Variants in ZC3H3 observed in about 807,000 individuals in gnomAD.
ZC3H3 encodes the protein zinc finger CCCH-type containing 3.
In ZC3H3, 36 loss-of-function variants were observed where a neutral mutation model predicts 77.3. The observed-to-expected ratio is 0.47, with a 90% CI of 0.36 to 0.61. ZC3H3 has a LOEUF of 0.61. Ranked by LOEUF, ZC3H3 falls within the 20% of genes least tolerant of loss-of-function variation. The pLI, the probability that ZC3H3 is intolerant of heterozygous loss-of-function variation, is 0.00. For missense variants in ZC3H3, 1,331 were observed against 1,312.2 expected, an observed-to-expected ratio of 1.01 and a Z score of -0.22; for synonymous variants, 626 against 555.2, an observed-to-expected ratio of 1.13 and a Z score of -1.79.
chr8:143,504,419 G>A (rs577840042), intron 4 of ZC3H3, among the ~76,000 whole-genome samples: 36 of 152,288 alleles, frequency 2.4e-4, no homozygotes, highest in Admixed American at 9.1e-4. Flanking sequence ...GCTTCACTGC[G>A]GCAGCCTGTG....
At chr8:143,472,693 C>G (rs1820604208) in intron 5 of ZC3H3, among the ~76,000 whole-genome samples, 1 of 152,232 alleles carries the variant, frequency 6.6e-6, no homozygotes, top group South Asian at 2.1e-4. Flanking sequence ...CCCAGCCCAA[C>G]AAACGTGGGC....
chr8:143,498,190 C>T (rs1563861662), intron 4 of ZC3H3, among the ~76,000 whole-genome samples: 2 of 152,186 alleles, frequency 1.3e-5, no homozygotes, highest in Non-Finnish European at 2.9e-5. Context: ...GTCAAGAAGC[C>T]AGACCTCAGC....
intron 3 of ZC3H3, 93 bp from the exon 4 acceptor site, chr8:143,507,992 G>T: frequency 1.5e-6 from 2 of 1,367,542 alleles, no homozygotes; most frequent in Admixed American, 5.1e-5. Context: ...TCTGCCCACC[G>T]CCTCCGCCGG....
Position 143,494,257 on chromosome 8 carries a change from C to T in ZC3H3, c.1715+13489G>A, listed in dbSNP as rs1049989151. ...CAGAGACTTCCTGCCACCCTCAGGC[C>T]GAACTTCCTGCTTTGATTTCTTTAC... On this transcript the variant is annotated intron_variant, in intron 4 of 11. Transcript: ENST00000262577. The surrounding 1 kb of genome is among the most constrained non-coding windows in gnomAD (Gnocchi z 5.3). 1.3e-5 allele frequency among the ~76,000 whole-genome samples: 2 copies of T among 152,222 alleles called. No homozygotes were observed. The highest frequency in any genetic ancestry group is 6.5e-5 in the Admixed American group (1 of 15,282).
intron 5 of ZC3H3, among the ~76,000 whole-genome samples, chr8:143,472,650 G>C (rs1305771117): frequency 6.6e-6 from 1 of 152,200 alleles, no homozygotes; most frequent in Non-Finnish European, 1.5e-5. Flanking sequence ...TGGGAGAGCT[G>C]GGATGGCAGG....
rs1180207908 is a variant in ZC3H3, at chr8:143,533,134, G to A, written c.1561+3123C>T. Among the ~76,000 whole-genome samples the A allele has an allele frequency of 6.6e-6, 1 of 151,996 alleles. No homozygotes were observed. On this transcript the variant is annotated intron_variant, in intron 3 of 11. Coordinates refer to ENST00000262577, the MANE Select transcript of ZC3H3 (RefSeq NM_015117.3). The surrounding 1 kb of genome is among the most constrained non-coding windows in gnomAD (Gnocchi z 4.0). ...CCTCCCTGGCTTCCCAACGTAACCA[G>A]AACCAACCCCCCGTTCCCTCCTGTG...
Position 143,455,173 on chromosome 8 carries a change from G to T in ZC3H3, c.2307+10544C>A, listed in dbSNP as rs576782750. ...TACTAAAAATACAAACATTAGCTGG[G>T]TGTGGTGGCGGGGGCCTGTAATCCC... On this transcript the variant is annotated intron_variant, in intron 9 of 11. Transcript: ENST00000262577. Among the ~76,000 whole-genome samples, 18 of 152,208 alleles carry T rather than the reference G, an allele frequency of 1.2e-4. No homozygotes were observed. In the South Asian group the frequency reaches 3.5e-3, roughly 30 times the overall value.
chr8:143,473,305 G>A (rs764150797), intron 5 of ZC3H3, among the ~76,000 whole-genome samples: 63 of 152,128 alleles, frequency 4.1e-4, no homozygotes, highest in Non-Finnish European at 8.1e-4. Flanking sequence ...TGCTCTTGCT[G>A]CTTCTGTCCC....
chr8:143,441,072 C>T lies in ZC3H3; in HGVS notation c.2356G>A (p.Ala786Thr). The part of the protein sequence containing the change: ...LLCPDFARRG[A>T]CPRGAQCQLL... ...TGGCACTGGGCGCCGCGGGGACACG[C>T]CCCCCTGCGGGCAAAGTCGGGGCAC... The change falls in exon 10 of 12, where the codon GCG becomes ACG. Residue 786 changes from alanine to threonine, a missense_variant. Physicochemically the swap from Ala to Thr is moderately conservative, Grantham distance 58 (BLOSUM62 0). This residue lies in a region of ZC3H3 where 249 missense variants were observed against 236.9 expected (regional missense o/e 1.05). Transcript: ENST00000262577. 4.1e-6 allele frequency: 6 copies of T among 1,470,074 alleles called. No individual in the cohort carries two copies. The highest frequency in any genetic ancestry group is 4.5e-6 in the Non-Finnish European group (5 of 1,121,820). The allele number at this position is 1,470,074 out of a possible 1,614,324, so 91.1% of individuals were successfully genotyped here.
intron 5 of ZC3H3, among the ~76,000 whole-genome samples, chr8:143,475,181 A>G (rs1389254917): frequency 1.3e-5 from 2 of 152,184 alleles, no homozygotes; most frequent in African/African-American, 4.8e-5. Context: ...GAAGAGTGAA[A>G]TTAACTCCCA....
intron 4 of ZC3H3, among the ~76,000 whole-genome samples, chr8:143,499,255 T>C (rs1394530073): frequency 6.6e-6 from 1 of 152,108 alleles, no homozygotes; most frequent in Non-Finnish European, 1.5e-5. Context: ...TCCTGGGTTC[T>C]CTGGACAGAG....
intron 4 of ZC3H3, among the ~76,000 whole-genome samples, chr8:143,478,545 T>C (rs1180366453): frequency 6.6e-6 from 1 of 152,208 alleles, no homozygotes; most frequent in Non-Finnish European, 1.5e-5. Context: ...GTTTTGCTCT[T>C]GTGACCCAGG....
At chr8:143,443,974 CTT>C (rs11316822) in intron 9 of ZC3H3, among the ~76,000 whole-genome samples, 356 of 137,730 alleles carry the variant, frequency 2.6e-3, no homozygotes, top group Middle Eastern at 7.6e-3. Context: ...TCTTTTTTTC[CTT>C]TTTTTTTTTT....
chr8:143,438,834 C>G (rs1819650869), intron 11 of ZC3H3, among the ~76,000 whole-genome samples: 1 of 152,240 alleles, frequency 6.6e-6, no homozygotes. Context: ...CACCCATGCA[C>G]AGCTGAGTCG....
chr8:143,536,213 G>C (rs1250149346), intron 3 of ZC3H3, 44 bp downstream of exon 3: 1 of 1,578,000 alleles, frequency 6.3e-7, no homozygotes, highest in Non-Finnish European at 8.6e-7. Flanking sequence ...TATCCCATCA[G>C]GCAGGCCCAG....
chr8:143,445,864 A>T (rs1049138461), intron 9 of ZC3H3, among the ~76,000 whole-genome samples: 9 of 152,192 alleles, frequency 5.9e-5, no homozygotes, highest in African/African-American at 2.2e-4. Context: ...TTTTAACCTG[A>T]CAAGAAAAAT....
chr8:143,439,117 A>C (rs1187356185), intron 11 of ZC3H3, among the ~76,000 whole-genome samples: 9 of 151,866 alleles, frequency 5.9e-5, no homozygotes, highest in Non-Finnish European at 1.3e-4. Context: ...AAAAAAAAAA[A>C]AAAATACAAG....
intron 3 of ZC3H3, chr8:143,523,478 G>A (rs562138409): frequency 6.1e-6 from 6 of 985,272 alleles, no homozygotes; most frequent in East Asian, 1.1e-4. Flanking sequence ...GACACTCCCC[G>A]CTGCAAGCTC....
At chr8:143,464,797 G>A (rs969090332) in intron 9 of ZC3H3, among the ~76,000 whole-genome samples, 2 of 152,148 alleles carry the variant, frequency 1.3e-5, no homozygotes, top group African/African-American at 4.8e-5. Context: ...GGGACAAGGA[G>A]CATCTCCAGG....
Sources: allele counts gnomAD v4.1 joint callset (sites outside exome capture counted in the v4.1 genomes callset), GRCh38; gene constraint gnomAD v4.1.1; regional missense constraint gnomAD v4.1.1; non-coding constraint Gnocchi (gnomAD v3.1); transcripts MANE v1.5; gene names NCBI Gene and HGNC (gene_info 2026-07-23, HGNC 2026-07-21).